CNTNAP5: variants seen among roughly 807,000 people sequenced by gnomAD.
The protein encoded by CNTNAP5 is contactin associated protein family member 5.
CNTNAP5 carries 72 observed loss-of-function variants against 150.2 expected under a neutral mutation model. The observed-to-expected ratio is 0.48, with a 90% confidence interval of 0.40 to 0.58. The LOEUF (loss-of-function observed/expected upper bound fraction) is 0.58, where lower values mean the gene tolerates loss of function less well. Among genes scored for constraint, CNTNAP5 ranks in the 20% least tolerant of loss-of-function variants. The pLI is 0.00. For missense variants in CNTNAP5, 1,636 were observed against 1,626.2 expected (o/e 1.01, Z -0.10); for synonymous variants, 672 against 619.8 (o/e 1.08, Z -1.25).
intron 3 of CNTNAP5, among the ~76,000 whole-genome samples, chr2:124,304,370 C>A (rs1480888404): frequency 6.7e-6 from 1 of 150,166 alleles, no homozygotes; most frequent in African/African-American, 2.5e-5. Context: ...AGGGGATAAC[C>A]ACAGGGAGAA....
At chr2:124,718,279 G>C (rs897540514) in intron 13 of CNTNAP5, among the ~76,000 whole-genome samples, 1 of 152,068 alleles carries the variant, frequency 6.6e-6, no homozygotes, top group Admixed American at 6.6e-5. Context: ...GTTCTATCTG[G>C]GTAGAGGGCA....
At chr2:124,633,855 T>C (rs954892523) in intron 12 of CNTNAP5, among the ~76,000 whole-genome samples, 10 of 152,320 alleles carry the variant, frequency 6.6e-5, no homozygotes, top group Admixed American at 3.9e-4. Context: ...CCAAGGCTTA[T>C]GGCTCGCACC....
At chr2:124,887,148 A>G (rs1201590642) in intron 21 of CNTNAP5, among the ~76,000 whole-genome samples, 1 of 152,024 alleles carries the variant, frequency 6.6e-6, no homozygotes, top group Non-Finnish European at 1.5e-5. Context: ...TGGTGACTGA[A>G]GCTGTGTAAG....
intron 19 of CNTNAP5, among the ~76,000 whole-genome samples, chr2:124,825,339 T>A (rs1238008015): frequency 1.3e-5 from 2 of 152,220 alleles, no homozygotes; most frequent in African/African-American, 4.8e-5. Context: ...TACTTGCTTG[T>A]GCCCAGGGAT....
chr2:124,202,956 C>G (rs1437487132), intron 1 of CNTNAP5, among the ~76,000 whole-genome samples: 1 of 152,108 alleles, frequency 6.6e-6, no homozygotes, highest in Non-Finnish European at 1.5e-5. Flanking sequence ...CATTTTAAAG[C>G]CAATCATACC....
At chr2:124,299,972 T>C (rs72843646) in intron 3 of CNTNAP5, among the ~76,000 whole-genome samples, 30,217 of 152,204 alleles carry the variant, frequency 0.2, 3,129 homozygotes, top group East Asian at 0.35. Flanking sequence ...GGAACTAGTC[T>C]GATGGCTCCA....
intron 13 of CNTNAP5, among the ~76,000 whole-genome samples, chr2:124,709,960 G>A (rs1679771891): frequency 6.6e-6 from 1 of 152,026 alleles, no homozygotes; most frequent in African/African-American, 2.4e-5. Context: ...TCTCAATGTT[G>A]ATAGATTTAA....
Position 124,688,479 on chromosome 2 carries a change from T to G in CNTNAP5, c.2077+40521T>G, listed in dbSNP as rs375415735. Among the ~76,000 whole-genome samples the G allele has an allele frequency of 3.3e-5, 5 of 152,168 alleles. No homozygotes were observed. In the East Asian group the frequency reaches 7.7e-4, roughly 24 times the overall value. ...ACATCAGTTAGTCTGGATGACTATT[T>G]TAGAAAAAGGAAAATGCAGAGGAGT... On this transcript the variant is annotated intron_variant, in intron 13 of 23. Transcript: ENST00000682447.
chr2:124,619,369 G>T (rs1292458597), intron 12 of CNTNAP5, among the ~76,000 whole-genome samples: 2 of 152,104 alleles, frequency 1.3e-5, no homozygotes, highest in African/African-American at 4.8e-5. Flanking sequence ...AGAAAGAGCA[G>T]GTCACAGTAA....
In CNTNAP5 at chr2:124,914,179, C is replaced by G. The variant is rs559244741; in HGVS notation, c.3815C>G (p.Thr1272Arg). The part of the protein sequence containing the change: ...FLYQHKQSHR[T>R]SQMKEKEYPE... ...TACCAGCACAAGCAGTCACATCGTA[C>G]GAGCCAGATGAAGGAGAAGGAATAT... Residue 1272 changes from threonine to arginine, a missense_variant, in exon 24 of 24, where the codon ACG becomes AGG. By Grantham distance (71) the Thr-to-Arg change is moderately conservative. Transcript: ENST00000682447. The G allele has an allele frequency of 2.0e-5, 33 of 1,612,170 alleles. No individual in the cohort carries two copies. In the South Asian group the frequency reaches 2.3e-4, roughly 11 times the overall value.
chr2:124,760,436 T>C (rs966746622), intron 14 of CNTNAP5, among the ~76,000 whole-genome samples: 7 of 152,002 alleles, frequency 4.6e-5, no homozygotes, highest in Admixed American at 3.9e-4. Context: ...GTCTGTGACA[T>C]TTCATCAAAC....
At chr2:124,092,791 CTGCCTAAGTCCAAAGAT>C (rs1272290556) in intron 1 of CNTNAP5, among the ~76,000 whole-genome samples, 6 of 152,304 alleles carry the variant, frequency 3.9e-5, no homozygotes, top group African/African-American at 1.4e-4. Flanking sequence ...GTAATTTTCA[CTGCCTAAGTCCAAAGAT>C]TGTTTGAGGT....
intron 2 of CNTNAP5, among the ~76,000 whole-genome samples, chr2:124,230,449 A>T (rs1686586083): frequency 3.3e-5 from 5 of 151,658 alleles, no homozygotes; most frequent in Admixed American, 3.3e-4. Context: ...GCCCCATAGA[A>T]TATATATCTA....
At chr2:124,842,625 C>A (rs1043957803) in intron 19 of CNTNAP5, among the ~76,000 whole-genome samples, 4 of 152,170 alleles carry the variant, frequency 2.6e-5, no homozygotes, top group Non-Finnish European at 4.4e-5. Context: ...TTTGTGCAAA[C>A]GTAAACAGAA....
At chr2:124,274,027 A>G (rs551554133) in intron 3 of CNTNAP5, among the ~76,000 whole-genome samples, 28 of 152,320 alleles carry the variant, frequency 1.8e-4, no homozygotes, top group Middle Eastern at 3.4e-3. Context: ...CCTCATTAAA[A>G]AAGCTCAAAG....
intron 1 of CNTNAP5, among the ~76,000 whole-genome samples, chr2:124,187,800 T>C (rs1685368485): frequency 6.6e-6 from 1 of 152,210 alleles, no homozygotes; most frequent in African/African-American, 2.4e-5. Context: ...CCTGGTCCTC[T>C]GATGACTAAA....
intron 3 of CNTNAP5, among the ~76,000 whole-genome samples, chr2:124,323,525 GGAC>G (rs1461245287): frequency 6.6e-6 from 1 of 152,128 alleles, no homozygotes; most frequent in Non-Finnish European, 1.5e-5. Flanking sequence ...CTACAGGAGA[GGAC>G]GACACCTGTG....
chr2:124,799,467 C>T (rs1160878597), intron 19 of CNTNAP5, among the ~76,000 whole-genome samples: 2 of 152,166 alleles, frequency 1.3e-5, no homozygotes, highest in Non-Finnish European at 2.9e-5. Flanking sequence ...ATCAAGAATA[C>T]AACTTTCTTC....
rs563843838 is a variant in CNTNAP5, at chr2:124,640,578, A to G, written c.1877-7180A>G. On this transcript the variant is annotated intron_variant, in intron 12 of 23. Transcript: ENST00000682447. Reference sequence around the variant, plus strand: ...TTCTCGCACAGACAGCTGGGCTGGTACACATGGGAGGGAAAACAGCTCCTG... The same window carrying G: ...TTCTCGCACAGACAGCTGGGCTGGTGCACATGGGAGGGAAAACAGCTCCTG... Among the ~76,000 whole-genome samples, 4 of 152,300 alleles carry G rather than the reference A, an allele frequency of 2.6e-5. No individual in the cohort carries two copies. In the South Asian group the frequency reaches 8.3e-4, roughly 32 times the overall value.
Sources: allele counts gnomAD v4.1 joint callset (sites outside exome capture counted in the v4.1 genomes callset), GRCh38; gene constraint gnomAD v4.1.1; transcripts MANE v1.5; gene names NCBI Gene and HGNC (gene_info 2026-07-23, HGNC 2026-07-21).